The following MEI4 variants were observed in gnomAD, a reference collection of about 807,000 sequenced individuals.
MEI4 encodes the protein meiosis-specific protein MEI4.
A neutral mutation model predicts 31.4 loss-of-function variants in MEI4; 27 were observed. The ratio of observed to expected loss-of-function variants is 0.86; its 90% CI spans 0.63 to 1.19. The LOEUF is 1.19. Among genes scored for constraint, MEI4 ranks in the 50% most tolerant of loss-of-function variants. The pLI is 0.00. For missense variants in MEI4, 329 were observed against 398.9 expected, an observed-to-expected ratio of 0.82 and a Z score of 1.49; for synonymous variants, 122 against 145.4, an observed-to-expected ratio of 0.84 and a Z score of 1.16.
chr6:77,886,745 A>C (rs1210099451), intron 4 of MEI4, among the ~76,000 whole-genome samples: 2 of 151,994 alleles, frequency 1.3e-5, no homozygotes, highest in African/African-American at 4.8e-5. Flanking sequence ...GTTAGAGTAT[A>C]ATTGTTTATA....
At chr6:77,752,789 CA>C (rs1167119662) in intron 2 of MEI4, among the ~76,000 whole-genome samples, 1 of 151,438 alleles carries the variant, frequency 6.6e-6, no homozygotes, top group African/African-American at 2.4e-5. Flanking sequence ...AAGAAGAGCC[CA>C]CATAGCCAAG....
At chr6:77,662,431 C>G (rs908553085) in intron 1 of MEI4, among the ~76,000 whole-genome samples, 1 of 151,972 alleles carries the variant, frequency 6.6e-6, no homozygotes, top group Non-Finnish European at 1.5e-5. Flanking sequence ...TGTGGGAGGC[C>G]GGATTGAAGT....
intron 2 of MEI4, among the ~76,000 whole-genome samples, chr6:77,694,411 C>T (rs1290007629): frequency 6.6e-6 from 1 of 150,908 alleles, no homozygotes; most frequent in Non-Finnish European, 1.5e-5. Context: ...ATCCCTCCCC[C>T]TTCCCCCCAC....
intron 4 of MEI4, among the ~76,000 whole-genome samples, chr6:77,910,283 T>C (rs1332190164): frequency 6.6e-6 from 1 of 152,144 alleles, no homozygotes; most frequent in African/African-American, 2.4e-5. Flanking sequence ...TGTTTGCAGA[T>C]GACATGATTG....
chr6:77,905,991 T>G (rs1766288268), intron 4 of MEI4, among the ~76,000 whole-genome samples: 1 of 152,140 alleles, frequency 6.6e-6, no homozygotes, highest in Middle Eastern at 3.4e-3. Flanking sequence ...GAAAATATTG[T>G]TTTTTATTTA....
chr6:77,781,163 G>A (rs1162330090), intron 3 of MEI4, among the ~76,000 whole-genome samples: 1 of 152,012 alleles, frequency 6.6e-6, no homozygotes, highest in Admixed American at 6.6e-5. Context: ...CTCCCAATGT[G>A]CTGGAATCAT....
intron 1 of MEI4, among the ~76,000 whole-genome samples, chr6:77,661,504 A>C (rs1449483350): frequency 3.9e-5 from 6 of 152,166 alleles, no homozygotes; most frequent in African/African-American, 1.4e-4. Context: ...GAGTAAAGTC[A>C]ATCTGCCAGT....
In MEI4 at chr6:77,748,183, G is replaced by T. The variant is rs190846264; in HGVS notation, c.233-12947G>T. Among the ~76,000 whole-genome samples, 8 of 152,310 alleles carry T rather than the reference G, an allele frequency of 5.3e-5. No individual in the cohort carries two copies. In the East Asian group the frequency reaches 1.2e-3, roughly 22 times the overall value. ...TCTTCTCTCAGCTTCACTAGGCAGT[G>T]CCCCAGTGGGGACTGTGCTGTGGCT... On this transcript the variant is annotated intron_variant, in intron 2 of 4. Coordinates refer to ENST00000684080, the MANE Select transcript of MEI4 (RefSeq NM_001322247.2).
At chr6:77,734,826 C>T (rs1393598842) in intron 2 of MEI4, among the ~76,000 whole-genome samples, 5 of 151,664 alleles carry the variant, frequency 3.3e-5, no homozygotes, top group Non-Finnish European at 7.4e-5. Flanking sequence ...TTAGGGCAGG[C>T]CTGGTTGTGA....
Position 77,844,053 on chromosome 6 carries a change from C to T in MEI4, c.900+14991C>T, listed in dbSNP as rs1206578415. 2.6e-5 allele frequency among the ~76,000 whole-genome samples: 4 copies of T among 151,988 alleles called. No homozygotes were observed. In the East Asian group the frequency reaches 7.7e-4, roughly 29 times the overall value. On this transcript the variant is annotated intron_variant, in intron 4 of 4. Coordinates refer to ENST00000684080, the MANE Select transcript of MEI4 (RefSeq NM_001322247.2). Reference sequence around the variant, plus strand: ...CTAAGGAGTTAAATCAAAGTCTTTACAGGGCAATCAATCCAACATGAAGTT... The same window carrying T: ...CTAAGGAGTTAAATCAAAGTCTTTATAGGGCAATCAATCCAACATGAAGTT...
At chr6:77,912,853 T>A (rs184011104) in intron 4 of MEI4, among the ~76,000 whole-genome samples, 47 of 152,172 alleles carry the variant, frequency 3.1e-4, no homozygotes, top group African/African-American at 1.1e-3. Flanking sequence ...AATAAAAATA[T>A]TAGAGTTAAA....
intron 3 of MEI4, among the ~76,000 whole-genome samples, chr6:77,774,180 A>T (rs1768382931): frequency 6.6e-6 from 1 of 152,166 alleles, no homozygotes; most frequent in African/African-American, 2.4e-5. Flanking sequence ...AGAAGAAAGG[A>T]AATCAGTACA....
chr6:77,806,792 C>A (rs1769451756), intron 3 of MEI4, among the ~76,000 whole-genome samples: 1 of 152,084 alleles, frequency 6.6e-6, no homozygotes, highest in South Asian at 2.1e-4. Flanking sequence ...CAGGGATTGG[C>A]AAACTATGCT....
intron 4 of MEI4, among the ~76,000 whole-genome samples, chr6:77,866,291 T>C (rs1188147250): frequency 6.6e-6 from 1 of 152,090 alleles, no homozygotes; most frequent in East Asian, 1.9e-4. Flanking sequence ...AGTCAAATTG[T>C]CCCTGTTTGC....
rs181928084 is a variant in MEI4 at position 77,771,136 on chromosome 6, C to T, written c.768+9471C>T. On this transcript the variant is annotated intron_variant, in intron 3 of 4. Coordinates refer to ENST00000684080, the MANE Select transcript of MEI4 (RefSeq NM_001322247.2). The stretch of plus-strand genomic sequence containing the variant: ...TTACGAGTTGGAAAAGGACATGAAT[C>T]GACACTTTTCAAAAGAAGACATACA... Among the ~76,000 whole-genome samples, 809 of 151,906 alleles carry T rather than the reference C, an allele frequency of 5.3e-3. 5 individuals carry two copies. The highest frequency in any genetic ancestry group is 0.018 in the African/African-American group (748 of 41,458).
intron 4 of MEI4, among the ~76,000 whole-genome samples, chr6:77,909,342 TCAAA>T (rs1283812380): frequency 1.3e-5 from 2 of 149,890 alleles, no homozygotes; most frequent in East Asian, 2.0e-4. Context: ...GAGAGAAGAG[TCAAA>T]CAAACGCAAT....
intron 3 of MEI4, among the ~76,000 whole-genome samples, chr6:77,775,174 C>T (rs1445762774): frequency 1.1e-4 from 16 of 152,136 alleles, no homozygotes; most frequent in African/African-American, 3.6e-4. Flanking sequence ...ATCATCTCTG[C>T]AAAGACCGTT....
intron 4 of MEI4, among the ~76,000 whole-genome samples, chr6:77,856,439 G>C (rs550159833): frequency 2.6e-5 from 4 of 152,244 alleles, no homozygotes; most frequent in African/African-American, 9.6e-5. Context: ...TGTATACATA[G>C]AAGGTTGCCT....
chr6:77,707,788 A>G (rs1407805608), intron 2 of MEI4, among the ~76,000 whole-genome samples: 5 of 152,330 alleles, frequency 3.3e-5, no homozygotes, highest in Non-Finnish European at 5.9e-5. Context: ...CTGTGGCTCA[A>G]AAGGCCCCAG....
Sources: allele counts gnomAD v4.1 joint callset (sites outside exome capture counted in the v4.1 genomes callset), GRCh38; gene constraint gnomAD v4.1.1; transcripts MANE v1.5; gene names NCBI Gene and HGNC (gene_info 2026-07-23, HGNC 2026-07-21).